GALK1: variants seen among roughly 807,000 people sequenced by gnomAD.
GALK1 encodes the protein galactokinase.
A neutral mutation model predicts 38.6 loss-of-function variants in GALK1; 30 were observed. That is an observed-to-expected ratio of 0.78 (90% CI 0.58 to 1.05). The LOEUF is 1.05. Among genes scored for constraint, GALK1 ranks in the 50% least tolerant of loss-of-function variants. The probability of loss-of-function intolerance (pLI) is 0.00; values close to 1 mark genes in which losing one functional copy is unlikely to be tolerated. For synonymous variants in GALK1, 240 were observed against 233.6 expected, an observed-to-expected ratio of 1.03 and a Z score of -0.25; for missense variants, 512 against 540.5, an observed-to-expected ratio of 0.95 and a Z score of 0.52.
chr17:75,755,143 C>T (rs765398141), downstream of GALK1: 2 of 1,611,646 alleles, frequency 1.2e-6, no homozygotes, highest in South Asian at 2.2e-5. Context: ...TGAAAGGGTT[C>T]CCCCCTTCCA....
chr17:75,757,464 C>G (rs1437075190), downstream of GALK1: 4 of 1,612,866 alleles, frequency 2.5e-6, no homozygotes, highest in South Asian at 4.4e-5. Context: ...GGCTCCCTCA[C>G]CCGGCATGTG....
At position 75,758,563 on chromosome 17, in the gene GALK1, C is replaced by T. The variant is rs370029131; in HGVS notation, c.830G>A (p.Arg277Gln). The T allele has an allele frequency of 2.3e-5, 37 of 1,596,756 alleles. No individual in the cohort carries two copies. In the African/African-American group the frequency reaches 3.3e-4, roughly 14 times the overall value. The change falls in exon 6 of 8, where the codon CGG becomes CAG. Residue 277 changes from arginine (R) to glutamine (Q), a missense_variant. Arg to Gln is a conservative substitution (Grantham distance 43, BLOSUM62 1). Transcript: ENST00000588479. ...AATCTCCCCCACCACGTGCCGGGCC[C>T]GCCGGAAGCCCTCTTTGCTCACCAG... ...RDLVSKEGFR[R>Q]ARHVVGEIRR...
At chr17:75,764,168 CTGA>C in intron 1 of GALK1, 82 bp from the exon 2 acceptor site, 2 of 1,253,778 alleles carry the variant, frequency 1.6e-6, no homozygotes. Flanking sequence ...AGCCGAGGTT[CTGA>C]TGCCTCCACA....
At chr17:75,756,462 C>T (rs1432823952), downstream of GALK1, 17 of 1,613,264 alleles carry the variant, frequency 1.1e-5, no homozygotes, top group Non-Finnish European at 1.4e-5. Context: ...CCCAACCCTG[C>T]CCAGACCTCG....
chr17:75,752,115 G>A lies in GALK1; in HGVS notation c.*23-378C>T, dbSNP rs1290769447. 3 of 1,556,102 alleles carry A rather than the reference G, an allele frequency of 1.9e-6. No homozygotes were observed. The African/African-American group carries it at 4.1e-5, about 21-fold the overall frequency. ...GCACGGCCGTCCTGCTGTGTCAGGG[G>A]TGGTGTTGGGACCAGGCTGGGACCT... On this transcript the variant is annotated intron_variant, in intron 8 of 8. Coordinates refer to the GALK1 transcript ENST00000225614.
At chr17:75,754,945 C>CGT, downstream of GALK1, 1 of 1,450,140 alleles carries the variant, frequency 6.9e-7, no homozygotes. Flanking sequence ...CACACATGCA[C>CGT]GCACACACGT....
chr17:75,758,478 G>A lies in GALK1; in HGVS notation c.915C>T (p.Arg305=), dbSNP rs763728671. The A allele has an allele frequency of 5.7e-6, 9 of 1,575,568 alleles. No individual in the cohort carries two copies. In the East Asian group the frequency reaches 1.4e-4, roughly 24 times the overall value. The change falls in exon 6 of 8, where the codon CGC becomes CGT. Residue 305 remains arginine (R), a synonymous_variant. Transcript: ENST00000588479. Reference sequence around the variant, plus strand: ...GTGAGCGGTGGCTCTCCACCATGAGGCGGCCAAAGGCTCTGTAGTCGCCAC... The same window carrying A: ...GTGAGCGGTGGCTCTCCACCATGAGACGGCCAAAGGCTCTGTAGTCGCCAC... ...LRRGDYRAFG[R]LMVESHRSLR... is the part of the protein sequence containing the mutation.
chr17:75,758,952 G>A (rs2061572043), intron 5 of GALK1, among the ~76,000 whole-genome samples: 1 of 152,076 alleles, frequency 6.6e-6, no homozygotes, highest in South Asian at 2.1e-4. Context: ...CAGAAGAGGG[G>A]GCAGAAGCAG....
In GALK1 at chr17:75,757,936, G is replaced by A; in HGVS notation, c.*120C>T. 8.7e-7 allele frequency: 1 copy of A among 1,151,760 alleles called. No individual in the cohort carries two copies. Among genetic ancestry groups the A allele is most frequent in the Non-Finnish European group, 1.3e-6 (1 of 788,046 alleles). The allele number at this position is 1,151,760 out of a possible 1,614,324, so 71.3% of individuals were successfully genotyped here. Reference sequence around the variant, plus strand: ...ATACACCCACCTCTAGAGGAGGCAGGTACCACATTGGAGGCACAAGTTTAT... The same window carrying A: ...ATACACCCACCTCTAGAGGAGGCAGATACCACATTGGAGGCACAAGTTTAT... On this transcript the variant is annotated 3_prime_UTR_variant, in exon 8 of 8. Coordinates refer to ENST00000588479, the MANE Select transcript of GALK1 (RefSeq NM_000154.2).
At position 75,763,317 on chromosome 17, in the gene GALK1, T is replaced by C. The variant is rs1209136255; in HGVS notation, c.475+3A>G. On this transcript the variant is annotated splice_donor_region_variant and intron_variant, in intron 3 of 7. Transcript: ENST00000588479. ...TGGGTCAGGGCTGGGGCCTAGCTGG[T>C]ACCTGGACAGAGCTGCTGGAGGAAG... 1.2e-6 allele frequency: 2 copies of C among 1,613,784 alleles called. No individual in the cohort carries two copies. Among genetic ancestry groups the C allele is most frequent in the African/African-American group, 1.3e-5 (1 of 74,846 alleles).
chr17:75,764,573 T>C, intron 1 of GALK1: 1 of 455,312 alleles, frequency 2.2e-6, no homozygotes, highest in Non-Finnish European at 4.3e-6. Context: ...CCTCTGTAAA[T>C]TGAACGGGCT....
At position 75,758,616 on chromosome 17, in the gene GALK1, A is replaced by C. The variant is rs372098011; in HGVS notation, c.794-17T>G. ...CCCTGGCAGCTGGGGAGGAAAGAGG[A>C]GTCAGCAGCCGCCTTCTCACTGCCT... On this transcript the variant is annotated splice_polypyrimidine_tract_variant and intron_variant, in intron 5 of 7. Coordinates refer to ENST00000588479, the MANE Select transcript of GALK1 (RefSeq NM_000154.2). 86 of 1,579,872 alleles carry C rather than the reference A, an allele frequency of 5.4e-5. No individual in the cohort carries two copies. In the African/African-American group the frequency reaches 1.1e-3, roughly 21 times the overall value.
downstream of GALK1, chr17:75,754,977 C>T: frequency 2.6e-6 from 4 of 1,530,502 alleles, no homozygotes; most frequent in Non-Finnish European, 3.6e-6. Flanking sequence ...CACACATGTA[C>T]ACAGACATGC....
rs191052104 is a variant in GALK1, at chr17:75,751,623, C to T, written c.*137G>A. On this transcript the variant is annotated 3_prime_UTR_variant, in exon 9 of 9. Coordinates refer to the GALK1 transcript ENST00000225614. ...AGGCATGGTGGCTCATGCCTGTAGT[C>T]CCAGCTAGTCAGGAGGCTGAGGCAG... 447 of 225,472 alleles carry T rather than the reference C, an allele frequency of 2.0e-3. 1 individual carries two copies. The highest frequency in any genetic ancestry group is 8.2e-3 in the African/African-American group (355 of 43,402). 14.0% of individuals were successfully genotyped at this position (225,472 alleles called of 1,614,324 possible).
downstream of GALK1, chr17:75,756,629 C>G (rs767853278): frequency 5.0e-5 from 80 of 1,612,472 alleles, no homozygotes; most frequent in Non-Finnish European, 2.9e-5. Context: ...TGAGTTGCCT[C>G]CCCCAGCCCC....
chr17:75,763,674 G>A, intron 2 of GALK1: 3 of 692,006 alleles, frequency 4.3e-6, no homozygotes, highest in Non-Finnish European at 4.9e-6. Context: ...GGCTCTGGAG[G>A]GAAAAAAGGC....
downstream of GALK1, chr17:75,757,380 C>T: frequency 6.2e-7 from 1 of 1,612,996 alleles, no homozygotes; most frequent in Non-Finnish European, 8.5e-7. Flanking sequence ...AAGGGCAGAC[C>T]CCAAGCCAGG....
At chr17:75,756,774 G>A (rs768794572), downstream of GALK1, 24 of 1,612,712 alleles carry the variant, frequency 1.5e-5, no homozygotes, top group Admixed American at 1.2e-4. Context: ...GCCCAGACTC[G>A]CTGCAGCTGA....
chr17:75,757,587 C>T (rs774517815), downstream of GALK1: 96 of 1,612,972 alleles, frequency 6.0e-5, no homozygotes, highest in Non-Finnish European at 8.0e-5. Context: ...CCACGTCCCA[C>T]TAGGCGTCCT....
Sources: allele counts gnomAD v4.1 joint callset (sites outside exome capture counted in the v4.1 genomes callset), GRCh38; gene constraint gnomAD v4.1.1; transcripts MANE v1.5; gene names NCBI Gene and HGNC (gene_info 2026-07-23, HGNC 2026-07-21).